The following PPP2R2A variants were observed in gnomAD, a reference collection of about 807,000 sequenced individuals.
The protein encoded by PPP2R2A is serine/threonine-protein phosphatase 2A 55 kDa regulatory subunit B alpha isoform.
A neutral mutation model predicts 53.2 loss-of-function variants in PPP2R2A; 9 were observed. That is an observed-to-expected ratio of 0.17 (90% CI 0.10 to 0.30). The LOEUF is 0.30. Among genes scored for constraint, PPP2R2A ranks in the 10% least tolerant of loss-of-function variants. PPP2R2A has a pLI of 1.00. For synonymous variants in PPP2R2A, 169 were observed against 174.2 expected (o/e 0.97, Z 0.23); for missense variants, 235 against 534.6 (o/e 0.44, Z 5.53).
chr8:26,346,863 A>G (rs77732200), intron 3 of PPP2R2A, among the ~76,000 whole-genome samples: 1 of 152,336 alleles, frequency 6.6e-6, no homozygotes, highest in African/African-American at 2.4e-5. Context: ...ATTGAAGACT[A>G]TCTGATCCGA....
chr8:26,352,662 A>G (rs2046223), intron 3 of PPP2R2A, among the ~76,000 whole-genome samples: 98,079 of 152,064 alleles, frequency 0.64, 32,030 homozygotes, highest in East Asian at 0.86. Flanking sequence ...CGAAACTGCC[A>G]TATACCTCTA....
intron 2 of PPP2R2A, among the ~76,000 whole-genome samples, chr8:26,301,732 C>T (rs904193470): frequency 2.0e-5 from 3 of 152,170 alleles, no homozygotes; most frequent in African/African-American, 4.8e-5. Context: ...CTCTAAATGT[C>T]GTCTGGCAAC....
At chr8:26,341,627 A>G (rs142831658) in intron 3 of PPP2R2A, among the ~76,000 whole-genome samples, 31 of 152,324 alleles carry the variant, frequency 2.0e-4, no homozygotes, top group Admixed American at 8.5e-4. Flanking sequence ...CAACTATTAT[A>G]TGTTCATTCC....
chr8:26,292,207 T>G, intron 1 of PPP2R2A: 1 of 1,093,710 alleles, frequency 9.1e-7, no homozygotes, highest in South Asian at 3.4e-5. Context: ...CCTGCAGGTC[T>G]TCATTTAATT....
chr8:26,324,463 A>G (rs923117812), intron 2 of PPP2R2A, among the ~76,000 whole-genome samples: 1 of 152,188 alleles, frequency 6.6e-6, no homozygotes, highest in Non-Finnish European at 1.5e-5. Context: ...GGTGCACAGA[A>G]GTCAAGAACT....
At chr8:26,336,967 G>C (rs890392326) in intron 2 of PPP2R2A, among the ~76,000 whole-genome samples, 4 of 151,960 alleles carry the variant, frequency 2.6e-5, no homozygotes, top group Admixed American at 6.6e-5. Flanking sequence ...TCACGCCATG[G>C]TCCTTGACAT....
At chr8:26,298,893 GATA>G (rs1801658913) in intron 2 of PPP2R2A, among the ~76,000 whole-genome samples, 1 of 152,140 alleles carries the variant, frequency 6.6e-6, no homozygotes, top group Non-Finnish European at 1.5e-5. Context: ...TAATGATTTT[GATA>G]ATGTGTTTAA....
At chr8:26,336,800 G>T (rs1388939171) in intron 2 of PPP2R2A, among the ~76,000 whole-genome samples, 3 of 151,402 alleles carry the variant, frequency 2.0e-5, no homozygotes, top group African/African-American at 7.3e-5. Context: ...AGGATTGCTT[G>T]AGCCCAGAAG....
intron 4 of PPP2R2A, among the ~76,000 whole-genome samples, chr8:26,358,738 G>A (rs1264786711): frequency 6.6e-6 from 1 of 152,128 alleles, no homozygotes; most frequent in Non-Finnish European, 1.5e-5. Flanking sequence ...AAGAAAAACT[G>A]TTATACAATT....
Position 26,291,537 on chromosome 8 carries a change from G to GTCGCCT in PPP2R2A, c.-282_-277dup. 2 of 482,954 alleles carry GTCGCCT rather than the reference G, an allele frequency of 4.1e-6. No homozygotes were observed. Among genetic ancestry groups the GTCGCCT allele is most frequent in the Non-Finnish European group, 7.4e-6 (2 of 271,224 alleles). 29.9% of individuals were successfully genotyped at this position (482,954 alleles called of 1,614,324 possible). Reference sequence around the variant, plus strand: ...CAGCCGGCGCCATTTTGAAAGTGGAGTCGCCTGCCCCTGCCGCTGCCGCCG... The same window carrying GTCGCCT: ...CAGCCGGCGCCATTTTGAAAGTGGAGTCGCCTTCGCCTGCCCCTGCCGCTGCCGCCG... On this transcript the variant is annotated 5_prime_UTR_variant, in exon 1 of 10. Transcript: ENST00000380737.
intron 2 of PPP2R2A, among the ~76,000 whole-genome samples, chr8:26,322,878 T>C (rs533545590): frequency 5.3e-4 from 81 of 152,330 alleles, no homozygotes; most frequent in African/African-American, 1.9e-3. Flanking sequence ...TTTAAAGACA[T>C]TAATCCATTG....
chr8:26,370,561 C>A lies in PPP2R2A; in HGVS notation c.*148C>A. The A allele has an allele frequency of 1.1e-6, 1 of 883,048 alleles. No individual in the cohort carries two copies. Among genetic ancestry groups the A allele is most frequent in the Non-Finnish European group, 1.7e-6 (1 of 587,142 alleles). The allele number at this position is 883,048 out of a possible 1,614,324, so 54.7% of individuals were successfully genotyped here. A position where few individuals can be genotyped will look rare whatever the true frequency, so the allele number is the denominator to read the frequency against. ...ATTCGACAACACATTGTTATAGCTA[C>A]ATGGAGAAAGCTCTGTGGATTCATC... On this transcript the variant is annotated 3_prime_UTR_variant, in exon 10 of 10. Transcript: ENST00000380737. This position sits in a 1 kb window ranked among gnomAD's most constrained non-coding sequence, Gnocchi z 6.1.
At chr8:26,313,324 C>T (rs575594541) in intron 2 of PPP2R2A, among the ~76,000 whole-genome samples, 1 of 152,220 alleles carries the variant, frequency 6.6e-6, no homozygotes, top group South Asian at 2.1e-4. Context: ...GATGAGCCAC[C>T]GTGCCTGGCC....
chr8:26,372,577 A>G lies in PPP2R2A; in HGVS notation c.*2164A>G, dbSNP rs554336022. On this transcript the variant is annotated 3_prime_UTR_variant, in exon 10 of 10. Transcript: ENST00000380737. ...TAAATTATTGTTAACATTCTCAAGT[A>G]TTAATTTTTTAATTTCATTGGTGTA... The G allele has an allele frequency of 1.6e-4, 25 of 152,352 alleles. No individual in the cohort carries two copies. In the South Asian group the frequency reaches 5.2e-3, roughly 32 times the overall value. The allele number at this position is 152,352 out of a possible 1,614,324, so 9.4% of individuals were successfully genotyped here.
chr8:26,316,944 T>A (rs187723149), intron 2 of PPP2R2A, among the ~76,000 whole-genome samples: 1 of 152,240 alleles, frequency 6.6e-6, no homozygotes, highest in South Asian at 2.1e-4. Context: ...AAGATTATAG[T>A]CAGTTACTGA....
At chr8:26,366,187 G>GA in intron 8 of PPP2R2A, 128 bp from the exon 9 acceptor site, 1 of 697,552 alleles carries the variant, frequency 1.4e-6, no homozygotes, top group South Asian at 1.9e-5. Flanking sequence ...TTACTGAGAA[G>GA]ATTGAGATTA....
chr8:26,367,872 G>A (rs568668475), intron 9 of PPP2R2A, among the ~76,000 whole-genome samples: 25 of 152,234 alleles, frequency 1.6e-4, no homozygotes, highest in Non-Finnish European at 3.1e-4. Context: ...GTCTGGTTCA[G>A]TATCCAGCAT....
At chr8:26,369,861 A>G (rs935760614) in intron 9 of PPP2R2A, among the ~76,000 whole-genome samples, 6 of 152,184 alleles carry the variant, frequency 3.9e-5, no homozygotes, top group African/African-American at 1.4e-4. Flanking sequence ...ATACTTAACA[A>G]CGATAATTCT....
At chr8:26,299,695 A>G (rs1055170571) in intron 2 of PPP2R2A, among the ~76,000 whole-genome samples, 3 of 152,100 alleles carry the variant, frequency 2.0e-5, no homozygotes, top group East Asian at 1.9e-4. Flanking sequence ...TAAACAATTT[A>G]AAATCATTTC....
Sources: gnomAD v4.1 joint callset for allele counts (sites outside exome capture counted in the v4.1 genomes callset) on GRCh38, gnomAD v4.1.1 for gene constraint, Gnocchi (gnomAD v3.1) non-coding constraint, MANE v1.5 for transcripts, NCBI Gene and HGNC (gene_info 2026-07-23, HGNC 2026-07-21) for gene names.